Variants in UST observed in about 807,000 individuals in gnomAD.
UST encodes uronyl 2-sulfotransferase, also known as chondroitin sulfate 2-O-sulfotransferase.
A neutral mutation model predicts 45.6 loss-of-function variants in UST; 21 were observed. The ratio of observed to expected loss-of-function variants is 0.46; its 90% CI spans 0.33 to 0.66. The LOEUF is 0.66. Ranked by LOEUF, UST falls within the 30% of genes least tolerant of loss-of-function variation. The pLI is 0.02. For missense variants in UST, 463 were observed against 512.4 expected (o/e 0.90, Z 0.93); for synonymous variants, 215 against 200.6 (o/e 1.07, Z -0.61).
intron 1 of UST, among the ~76,000 whole-genome samples, chr6:148,778,242 C>A (rs6570897): frequency 0.41 from 62,422 of 151,974 alleles, 13,095 homozygotes; most frequent in Non-Finnish European, 0.45. Context: ...GAGTACAGAG[C>A]CCTAGTTCCA....
chr6:148,773,780 A>G (rs1290283340), intron 1 of UST, among the ~76,000 whole-genome samples: 5 of 152,186 alleles, frequency 3.3e-5, no homozygotes, highest in Non-Finnish European at 5.9e-5. Flanking sequence ...TAGGGCTCAG[A>G]ATAGCATTTT....
intron 5 of UST, among the ~76,000 whole-genome samples, chr6:149,011,784 C>A (rs904596695): frequency 4.6e-5 from 7 of 152,206 alleles, no homozygotes; most frequent in African/African-American, 1.7e-4. Flanking sequence ...TGCACTCCAG[C>A]CTGGGCGACA....
intron 1 of UST, among the ~76,000 whole-genome samples, chr6:148,804,977 T>C (rs1472318113): frequency 2.0e-5 from 3 of 152,066 alleles, no homozygotes; most frequent in African/African-American, 7.2e-5. Flanking sequence ...AAAATGAAAA[T>C]ATACTTGCAA....
intron 7 of UST, among the ~76,000 whole-genome samples, chr6:149,042,969 T>TTCTC (rs1776337991): frequency 9.5e-6 from 1 of 105,258 alleles, no homozygotes; most frequent in African/African-American, 5.0e-5. Context: ...CTTTCTTTCT[T>TTCTC]TCTTTCTTTC....
intron 1 of UST, among the ~76,000 whole-genome samples, chr6:148,752,993 T>C (rs1776019452): frequency 6.6e-6 from 1 of 152,140 alleles, no homozygotes; most frequent in Admixed American, 6.6e-5. Context: ...TATACATAAA[T>C]CCCTTTTTAT....
At chr6:148,981,896 C>T (rs1424330002) in intron 5 of UST, among the ~76,000 whole-genome samples, 1 of 152,160 alleles carries the variant, frequency 6.6e-6, no homozygotes, top group Non-Finnish European at 1.5e-5. Context: ...AAATACCTGA[C>T]ACTGGGTAAT....
intron 1 of UST, among the ~76,000 whole-genome samples, chr6:148,802,496 A>T (rs567521763): frequency 2.2e-4 from 34 of 152,360 alleles, no homozygotes; most frequent in African/African-American, 8.2e-4. Context: ...AGGAAAGATT[A>T]TCTGCAGCAA....
At chr6:148,872,318 T>A (rs191849063) in intron 1 of UST, among the ~76,000 whole-genome samples, 10 of 152,344 alleles carry the variant, frequency 6.6e-5, no homozygotes, top group Admixed American at 2.0e-4. Context: ...TGAGGCTTGA[T>A]GAAAACTTTC....
chr6:148,945,482 G>A (rs1447535356), intron 3 of UST, among the ~76,000 whole-genome samples: 2 of 152,146 alleles, frequency 1.3e-5, no homozygotes, highest in African/African-American at 2.4e-5. Context: ...TTAATGAAGT[G>A]TCACAAGAGA....
chr6:148,760,671 A>T (rs913641391), intron 1 of UST, among the ~76,000 whole-genome samples: 1 of 152,112 alleles, frequency 6.6e-6, no homozygotes, highest in Non-Finnish European at 1.5e-5. Context: ...ACTATATTAA[A>T]GTGAAAGCTC....
rs2115050307 is a variant in UST, at chr6:149,076,905, A to G, written c.*2789A>G. 6.6e-6 allele frequency: 1 copy of G among 152,586 alleles called. No individual in the cohort carries two copies. Among genetic ancestry groups the G allele is most frequent in the Admixed American group, 6.5e-5 (1 of 15,292 alleles). The allele number at this position is 152,586 out of a possible 1,614,324, so 9.5% of individuals were successfully genotyped here. ...TTTTTTTTTTAAGAAGAAAGAAAAA[A>G]ATGGTGTTTGACGTTGATGGAAATT... On this transcript the variant is annotated 3_prime_UTR_variant, in exon 8 of 8. Coordinates refer to ENST00000367463, the MANE Select transcript of UST (RefSeq NM_005715.3).
intron 5 of UST, among the ~76,000 whole-genome samples, chr6:148,990,016 C>T (rs370455895): frequency 3.8e-4 from 58 of 152,222 alleles, no homozygotes; most frequent in African/African-American, 1.2e-3. Context: ...AAAAATTAAG[C>T]GTTTAGGGGA....
chr6:148,775,638 T>G (rs115312391), intron 1 of UST, among the ~76,000 whole-genome samples: 28,350 of 133,570 alleles, frequency 0.21, 2,722 homozygotes, highest in African/African-American at 0.26. Flanking sequence ...TTTTTTTTTT[T>G]TGGGGCGGGG....
intron 2 of UST, among the ~76,000 whole-genome samples, chr6:148,897,001 G>A (rs981794923): frequency 6.6e-6 from 1 of 152,110 alleles, no homozygotes; most frequent in African/African-American, 2.4e-5. Context: ...CATGATGCCT[G>A]ACACATGGTA....
At chr6:148,908,932 A>G (rs1433224147) in intron 2 of UST, among the ~76,000 whole-genome samples, 1 of 152,148 alleles carries the variant, frequency 6.6e-6, no homozygotes, top group Non-Finnish European at 1.5e-5. Context: ...TCTTTCTTAA[A>G]CCTTAGCAAA....
At chr6:148,952,091 A>C (rs1201641328) in intron 3 of UST, among the ~76,000 whole-genome samples, 1 of 152,244 alleles carries the variant, frequency 6.6e-6, no homozygotes, top group East Asian at 1.9e-4. Flanking sequence ...TATCTGAATA[A>C]AATAACCTAG....
chr6:149,020,810 TA>T (rs1025031401), intron 6 of UST, among the ~76,000 whole-genome samples: 6 of 152,040 alleles, frequency 3.9e-5, no homozygotes, highest in African/African-American at 1.4e-4. Context: ...ACAAACAAAA[TA>T]AAACAAAACA....
rs889558943 is a variant in UST, at chr6:148,914,650, C to T, written c.292-26629C>T. Among the ~76,000 whole-genome samples, 6 of 152,120 alleles carry T rather than the reference C, an allele frequency of 3.9e-5. No homozygotes were observed. In the South Asian group the frequency reaches 6.2e-4, roughly 16 times the overall value. On this transcript the variant is annotated intron_variant, in intron 2 of 7. Coordinates refer to ENST00000367463, the MANE Select transcript of UST (RefSeq NM_005715.3). ...CGCTCCTATGAGAATATAATACTGCCGCTGATCTAATAGGAGGCAGAGGTC... is the reference window on the plus strand; with the variant it reads ...CGCTCCTATGAGAATATAATACTGCTGCTGATCTAATAGGAGGCAGAGGTC...
chr6:148,820,927 T>C (rs937035391), intron 1 of UST, among the ~76,000 whole-genome samples: 2 of 151,350 alleles, frequency 1.3e-5, no homozygotes, highest in African/African-American at 4.9e-5. Flanking sequence ...TCCAGGATCA[T>C]GTATTACATG....
Sources: allele counts gnomAD v4.1 joint callset (sites outside exome capture counted in the v4.1 genomes callset), GRCh38; gene constraint gnomAD v4.1.1; transcripts MANE v1.5; gene names NCBI Gene and HGNC (gene_info 2026-07-23, HGNC 2026-07-21).